Variants in SH2B1 observed in about 807,000 individuals in gnomAD.
SH2B1 encodes the protein SH2B adaptor protein 1.
In SH2B1, 15 loss-of-function variants were observed where a neutral mutation model predicts 62.6. The ratio of observed to expected loss-of-function variants is 0.24; its 90% CI spans 0.16 to 0.37. The LOEUF (loss-of-function observed/expected upper bound fraction) is 0.37. SH2B1 is among the 10% of genes least tolerant of loss of function. The probability of loss-of-function intolerance (pLI) is 1.00; values close to 1 mark genes in which losing one functional copy is unlikely to be tolerated. For synonymous variants in SH2B1, 443 were observed against 438.0 expected, an observed-to-expected ratio of 1.01 and a Z score of -0.14; for missense variants, 925 against 1,015.6, an observed-to-expected ratio of 0.91 and a Z score of 1.21.
At chr16:28,847,813 C>T (rs544896518) in intron 1 of SH2B1, among the ~76,000 whole-genome samples, 1 of 145,998 alleles carries the variant, frequency 6.8e-6, no homozygotes, top group South Asian at 2.3e-4. Context: ...AGAAAGACCC[C>T]ATCTTTTTTT....
chr16:28,860,423 A>G (rs535096190), upstream of SH2B1, among the ~76,000 whole-genome samples: 53 of 151,626 alleles, frequency 3.5e-4, 1 homozygote, highest in Non-Finnish European at 2.9e-5. Context: ...GGCTAATTTT[A>G]GTAGAGACAG....
At chr16:28,852,701 T>C (rs1395169275) in intron 1 of SH2B1, among the ~76,000 whole-genome samples, 1 of 42,486 alleles carries the variant, frequency 2.4e-5, no homozygotes, top group African/African-American at 8.4e-5. Context: ...TTTATATATA[T>C]ACATATATAT....
upstream of SH2B1, chr16:28,862,976 G>C (rs753706672): frequency 1.3e-5 from 2 of 150,000 alleles, no homozygotes; most frequent in South Asian, 4.2e-4. Flanking sequence ...TGTTGCCTGG[G>C]CTGGAGTGCC....
intron 1 of SH2B1, among the ~76,000 whole-genome samples, chr16:28,852,088 T>A (rs528139425): frequency 6.2e-5 from 9 of 144,354 alleles, no homozygotes; most frequent in African/African-American, 1.0e-4. Flanking sequence ...AAAAGAAATT[T>A]AAAAAAAAGA....
Position 28,852,392 on chromosome 16 carries a change from ATACATATATATT to A in SH2B1, c.-301+5580_-301+5591del, listed in dbSNP as rs1313571115. On this transcript the variant is annotated intron_variant, in intron 1 of 10. Coordinates refer to the SH2B1 transcript ENST00000322610. ...TATATATTTACATATATTTATATAT[ATACATATATATT>A]TACATATATATTTATATATTTACAT... is the stretch of plus-strand genomic sequence containing the variant. Among the ~76,000 whole-genome samples, 4 of 72,350 alleles carry A rather than the reference ATACATATATATT, an allele frequency of 5.5e-5. 1 individual carries two copies. Among genetic ancestry groups the A allele is most frequent in the Non-Finnish European group, 6.9e-5 (3 of 43,644 alleles). The allele number at this position is 72,350 out of a possible 152,430, so 47.5% of individuals were successfully genotyped here.
rs552583562 is a variant in SH2B1 at position 28,872,852 on chromosome 16, G to C, written c.1897+147G>C. The C allele has an allele frequency of 1.8e-6, 2 of 1,115,870 alleles. No homozygotes were observed. Among genetic ancestry groups the C allele is most frequent in the South Asian group, 1.4e-5 (1 of 73,318 alleles). The allele number at this position is 1,115,870 out of a possible 1,614,324, so 69.1% of individuals were successfully genotyped here. On this transcript the variant is annotated intron_variant, in intron 7 of 7. Transcript: ENST00000684370. This position sits in a 1 kb window ranked among gnomAD's most constrained non-coding sequence, Gnocchi z 5.3. ...AGGGTAGAGGAGGCTGTTGTGCCTCGGGGTTTGGAAGGGAAAGAAATGCGC... is the reference window on the plus strand; with the variant it reads ...AGGGTAGAGGAGGCTGTTGTGCCTCCGGGTTTGGAAGGGAAAGAAATGCGC...
At position 28,864,017 on chromosome 16, in the gene SH2B1, A is replaced by T; in HGVS notation, c.-2078A>T. On this transcript the variant is annotated 5_prime_UTR_variant, in exon 1 of 8. Coordinates refer to ENST00000684370, the MANE Select transcript of SH2B1 (RefSeq NM_001387430.1). ...CCGCGACCCGGCCCTGGCGCCCGAG[A>T]GGATTCCTGGGTGGGGGTGGGCGTG... is the stretch of plus-strand genomic sequence containing the variant. 1.8e-5 allele frequency: 24 copies of T among 1,304,886 alleles called. No homozygotes were observed. Among genetic ancestry groups the T allele is most frequent in the East Asian group, 1.0e-4 (3 of 28,986 alleles). 80.8% of individuals were successfully genotyped at this position (1,304,886 alleles called of 1,614,324 possible).
Position 28,866,369 on chromosome 16 carries a change from T to A in SH2B1, c.275T>A (p.Leu92Gln), listed in dbSNP as rs777058335. The A allele has an allele frequency of 7.4e-6, 12 of 1,613,372 alleles. No homozygotes were observed. In the Admixed American group the frequency reaches 2.0e-4, roughly 27 times the overall value. Residue 92 changes from leucine (L) to glutamine (Q), a missense_variant, in exon 1 of 8, where the codon CTG (leucine) becomes CAG (glutamine). By Grantham distance (113) the Leu-to-Gln change is moderately radical. Coordinates refer to ENST00000684370, the MANE Select transcript of SH2B1 (RefSeq NM_001387430.1). The surrounding 1 kb of genome is among the most constrained non-coding windows in gnomAD (Gnocchi z 6.3). ...RASGSLSPPI[L>Q]APLSPGAEIS... Reference sequence around the variant, plus strand: ...TCTGGCTCCCTGTCGCCACCCATCCTGGCTCCCCTGAGCCCTGGTGCGGAG... The same window carrying A: ...TCTGGCTCCCTGTCGCCACCCATCCAGGCTCCCCTGAGCCCTGGTGCGGAG...
chr16:28,864,019 G>T lies in SH2B1; in HGVS notation c.-2076G>T. ...GCGACCCGGCCCTGGCGCCCGAGAG[G>T]ATTCCTGGGTGGGGGTGGGCGTGGA... On this transcript the variant is annotated 5_prime_UTR_variant, in exon 1 of 8. Transcript: ENST00000684370. 7 of 1,348,708 alleles carry T rather than the reference G, an allele frequency of 5.2e-6. No individual in the cohort carries two copies. Among genetic ancestry groups the T allele is most frequent in the African/African-American group, 1.5e-5 (1 of 66,874 alleles). 83.5% of individuals were successfully genotyped at this position (1,348,708 alleles called of 1,614,324 possible).
chr16:28,866,231 G>C lies in SH2B1; in HGVS notation c.137G>C (p.Arg46Pro), dbSNP rs1181457401. ...AAALDFARRF[R>P]LYLASHPQYA... Reference sequence around the variant, plus strand: ...GCTCTGGACTTTGCCCGCCGTTTTCGCCTCTACCTGGCCTCCCACCCCCAA... The same window carrying C: ...GCTCTGGACTTTGCCCGCCGTTTTCCCCTCTACCTGGCCTCCCACCCCCAA... The change falls in exon 1 of 8, where the codon CGC becomes CCC. Residue 46 changes from arginine (R) to proline (P), a missense_variant. Transcript: ENST00000684370. The surrounding 1 kb of genome is among the most constrained non-coding windows in gnomAD (Gnocchi z 6.3). 1 of 1,610,086 alleles carries C rather than the reference G, an allele frequency of 6.2e-7. No individual in the cohort carries two copies. Among genetic ancestry groups the C allele is most frequent in the Non-Finnish European group, 8.5e-7 (1 of 1,179,244 alleles).
rs762126837 is a variant in SH2B1, at chr16:28,866,846, A to G, written c.752A>G (p.Glu251Gly). The G allele has an allele frequency of 6.2e-7, 1 of 1,603,896 alleles. No individual in the cohort carries two copies. Among genetic ancestry groups the G allele is most frequent in the Non-Finnish European group, 8.5e-7 (1 of 1,175,222 alleles). The change falls in exon 1 of 8, where the codon GAG becomes GGG. Residue 251 changes from glutamate to glycine, a missense_variant. Glu to Gly is a moderately conservative substitution (Grantham distance 98, BLOSUM62 -2). Around this residue, in one of 3 missense-constraint regions of SH2B1, gnomAD observed 683 missense variants for 704.0 expected, o/e 0.97. Coordinates refer to ENST00000684370, the MANE Select transcript of SH2B1 (RefSeq NM_001387430.1). This position sits in a 1 kb window ranked among gnomAD's most constrained non-coding sequence, Gnocchi z 6.3. Reference protein sequence around the residue: ...KDGAGMVQREELLSFMGAEEA... With the variant: ...KDGAGMVQREGLLSFMGAEEA... The stretch of plus-strand genomic sequence containing the variant: ...GGAGCAGGGATGGTGCAGAGGGAAG[A>G]GCTGCTGAGTTTCATGGGGGCTGAG...
Position 28,869,348 on chromosome 16 carries a change from T to C in SH2B1, c.1274T>C (p.Leu425Pro). The change falls in exon 4 of 8, where the codon CTT (leucine) becomes CCT (proline). Residue 425 changes from leucine to proline, a missense_variant. Physicochemically the swap from Leu to Pro is moderately conservative, Grantham distance 98. Around this residue, in one of 3 missense-constraint regions of SH2B1, gnomAD observed 683 missense variants for 704.0 expected, o/e 0.97. Coordinates refer to ENST00000684370, the MANE Select transcript of SH2B1 (RefSeq NM_001387430.1). ...AGTCTACCCAGCCAGGACCTGCTGC[T>C]TGGACCCAGCGAGAGCAATGACCGC... ...SESLPSQDLL[L>P]GPSESNDRLS... The C allele has an allele frequency of 6.2e-7, 1 of 1,614,064 alleles. No homozygotes were observed. The highest frequency in any genetic ancestry group is 8.5e-7 in the Non-Finnish European group (1 of 1,180,018).
At chr16:28,855,907 G>A (rs573570446) in intron 1 of SH2B1, among the ~76,000 whole-genome samples, 20 of 144,648 alleles carry the variant, frequency 1.4e-4, no homozygotes, top group Admixed American at 8.6e-4. Flanking sequence ...CGCCGACCTC[G>A]TGATCCGCCT....
At chr16:28,863,802 C>T (rs976992642), upstream of SH2B1, 7 of 1,535,274 alleles carry the variant, frequency 4.6e-6, no homozygotes, top group African/African-American at 4.1e-5. Flanking sequence ...TCTATGGTCT[C>T]TTCCTTCAGC....
intron 4 of SH2B1, 96 bp from the exon 5 acceptor site, chr16:28,871,684 G>A (rs1963045356): frequency 1.1e-5 from 11 of 993,010 alleles, no homozygotes; most frequent in Non-Finnish European, 1.7e-5. Context: ...GCCAGCGACT[G>A]CACACAGGGT....
chr16:28,861,516 T>C (rs1962444834), upstream of SH2B1: 1 of 151,766 alleles, frequency 6.6e-6, no homozygotes. Context: ...CACTGCAAGC[T>C]CTGCCTCCCA....
At chr16:28,863,447 G>C (rs1324162213), upstream of SH2B1, 2 of 480,784 alleles carry the variant, frequency 4.2e-6, no homozygotes, top group East Asian at 3.6e-5. Context: ...CTCCACAGCG[G>C]GGCCGGCGCT....
At chr16:28,848,668 CTTTTTTTTTTT>C (rs745489496) in intron 1 of SH2B1, among the ~76,000 whole-genome samples, 1 of 109,256 alleles carries the variant, frequency 9.2e-6, no homozygotes, top group Non-Finnish European at 1.7e-5. Context: ...CCGCACTGTC[CTTTTTTTTTTT>C]TTTTTTTTTT....
At chr16:28,861,828 G>C (rs953327191), upstream of SH2B1, 3 of 152,248 alleles carry the variant, frequency 2.0e-5, no homozygotes, top group Admixed American at 2.0e-4. Context: ...GATCCAATCA[G>C]CTACTCAGTT....
Sources: allele counts gnomAD v4.1 joint callset (sites outside exome capture counted in the v4.1 genomes callset), GRCh38; gene constraint gnomAD v4.1.1; regional missense constraint gnomAD v4.1.1; non-coding constraint Gnocchi (gnomAD v3.1); transcripts MANE v1.5; gene names NCBI Gene and HGNC (gene_info 2026-07-23, HGNC 2026-07-21).